Variants in RAF1 observed in about 807,000 individuals in gnomAD.
The protein encoded by RAF1 is Raf-1 proto-oncogene, serine/threonine kinase.
RAF1 carries 27 observed loss-of-function variants against 81.1 expected under a neutral mutation model. The observed-to-expected ratio is 0.33, with a 90% CI of 0.25 to 0.46. RAF1 has a LOEUF of 0.46. Ranked by LOEUF, RAF1 falls within the 20% of genes least tolerant of loss-of-function variation. The pLI is 1.00. For synonymous variants in RAF1, 298 were observed against 294.0 expected (o/e 1.01, Z -0.14); for missense variants, 598 against 826.0 (o/e 0.72, Z 3.38).
At chr3:12,604,073 A>T (rs2125396267) in intron 7 of RAF1, 63 bp downstream of exon 7, 2 of 1,590,916 alleles carry the variant, frequency 1.3e-6, no homozygotes, top group Non-Finnish European at 1.7e-6. Flanking sequence ...CAAAACTCTG[A>T]AATAAGTATC....
intron 13 of RAF1, 85 bp from the exon 13 acceptor site, chr3:12,587,722 C>G: frequency 8.8e-7 from 1 of 1,137,098 alleles, no homozygotes; most frequent in Non-Finnish European, 1.3e-6. Flanking sequence ...GAAGTAAAGC[C>G]ACTGAAGGCC....
At chr3:12,610,163 T>C (rs933286569) in intron 3 of RAF1, among the ~76,000 whole-genome samples, 1 of 152,196 alleles carries the variant, frequency 6.6e-6, no homozygotes, top group African/African-American at 2.4e-5. Flanking sequence ...TTATGTTTTA[T>C]CCAGTTAATC....
chr3:12,659,153 G>A (rs1232284894), intron 1 of RAF1, among the ~76,000 whole-genome samples: 8 of 151,980 alleles, frequency 5.3e-5, no homozygotes, highest in Non-Finnish European at 8.8e-5. Flanking sequence ...TACAAGGCAA[G>A]ATGCCTGAGC....
intron 1 of RAF1, among the ~76,000 whole-genome samples, chr3:12,662,839 T>C (rs748986264): frequency 2.6e-5 from 4 of 152,060 alleles, no homozygotes; most frequent in Non-Finnish European, 4.4e-5. Context: ...CCAATTCTTA[T>C]CACACTGCAT....
At chr3:12,587,379 A>C in intron 14 of RAF1, 2 of 613,752 alleles carry the variant, frequency 3.3e-6, no homozygotes, top group Non-Finnish European at 5.9e-6. Flanking sequence ...AACCTAACCT[A>C]AACATCGCTC....
chr3:12,608,741 C>T, intron 5 of RAF1, 25 bp downstream of exon 5: 1 of 1,611,016 alleles, frequency 6.2e-7, no homozygotes, highest in African/African-American at 1.3e-5. Context: ...CCCTATCTTC[C>T]TTGGATAAAA....
chr3:12,600,366 C>A (rs2058824563), intron 9 of RAF1, 22 bp downstream of exon 8: 2 of 1,614,092 alleles, frequency 1.2e-6, no homozygotes, highest in Non-Finnish European at 1.7e-6. Flanking sequence ...TTATTGTTGG[C>A]TAAATGACTA....
rs763572119 is a variant in RAF1 at position 12,600,292 on chromosome 3, GAC to G, written c.923-15_923-14del. On this transcript the variant is annotated splice_polypyrimidine_tract_variant and intron_variant, in intron 9 of 17. Transcript: ENST00000442415. ...GCTGAAGGTGAGGCTTAATAGACAAGACAAACAGAAGCCACACAAGGATAAGC... is the reference window on the plus strand; with the variant it reads ...GCTGAAGGTGAGGCTTAATAGACAAGAAACAGAAGCCACACAAGGATAAGC... 13 of 1,613,964 alleles carry G rather than the reference GAC, an allele frequency of 8.1e-6. No individual in the cohort carries two copies. In the African/African-American group the frequency reaches 1.7e-4, roughly 22 times the overall value.
At chr3:12,593,808 T>C (rs1222200108) in intron 11 of RAF1, among the ~76,000 whole-genome samples, 4 of 151,034 alleles carry the variant, frequency 2.6e-5, no homozygotes, top group Non-Finnish European at 4.4e-5. Context: ...TTTTTTTTCT[T>C]TTTTAGAGAT....
chr3:12,606,983 G>A (rs920074722), intron 5 of RAF1, among the ~76,000 whole-genome samples: 3 of 152,244 alleles, frequency 2.0e-5, no homozygotes, highest in East Asian at 1.9e-4. Context: ...GAGCCACCGC[G>A]CCCGGCCCAG....
chr3:12,604,574 C>A (rs1296636665), intron 6 of RAF1, among the ~76,000 whole-genome samples: 2 of 152,110 alleles, frequency 1.3e-5, no homozygotes, highest in African/African-American at 4.8e-5. Context: ...CCACTCTACT[C>A]CAAATTTTTA....
In RAF1 at chr3:12,606,232, T is replaced by C. The variant is rs2125406569; in HGVS notation, c.649A>G (p.Met217Val). 3 of 1,614,058 alleles carry C rather than the reference T, an allele frequency of 1.9e-6. No homozygotes were observed. In the South Asian group the frequency reaches 3.3e-5, roughly 18 times the overall value. ...GGCATCCTGGAAACAGACTCTCGCA[T>C]ACGACGCATAGTCAAAGAAGGTAGT... is the stretch of plus-strand genomic sequence containing the variant. Residue 217 changes from methionine to valine, a missense_variant, in exon 6 of 18, where the codon ATG becomes GTG. Physicochemically the swap from Met to Val is conservative, Grantham distance 21. Transcript: ENST00000442415.
chr3:12,648,310 A>C (rs1162520744), intron 1 of RAF1, among the ~76,000 whole-genome samples: 1 of 150,962 alleles, frequency 6.6e-6, no homozygotes, highest in Non-Finnish European at 1.5e-5. Flanking sequence ...AAAAAGCTAC[A>C]TAATGAAGTA....
At chr3:12,587,753 C>A in intron 13 of RAF1, 116 bp from the exon 13 acceptor site, 2 of 835,848 alleles carry the variant, frequency 2.4e-6, no homozygotes, top group Non-Finnish European at 4.1e-6. Context: ...GAGTGTTACA[C>A]ACAGGGATAG....
At chr3:12,620,346 A>G (rs561556533) in intron 1 of RAF1, among the ~76,000 whole-genome samples, 1 of 152,188 alleles carries the variant, frequency 6.6e-6, no homozygotes, top group South Asian at 2.1e-4. Context: ...GTTGGCCAGG[A>G]TGGTCTCAAT....
chr3:12,584,093 T>C lies in RAF1; in HGVS notation c.*421A>G. The C allele has an allele frequency of 3.2e-6, 1 of 316,456 alleles. No individual in the cohort carries two copies. The highest frequency in any genetic ancestry group is 6.0e-6 in the Non-Finnish European group (1 of 166,156). The allele number at this position is 316,456 out of a possible 1,614,324, so 19.6% of individuals were successfully genotyped here. Reference sequence around the variant, plus strand: ...ACCACTCTCTGAAGAAAGTCCCGCCTGTGACATGCATTCCTCCAGAAGCTG... The same window carrying C: ...ACCACTCTCTGAAGAAAGTCCCGCCCGTGACATGCATTCCTCCAGAAGCTG... On this transcript the variant is annotated 3_prime_UTR_variant, in exon 18 of 18. Transcript: ENST00000442415.
chr3:12,663,817 G>A lies in RAF1; in HGVS notation c.-31C>T, dbSNP rs1396477109. The A allele has an allele frequency of 5.0e-6, 2 of 397,302 alleles. No homozygotes were observed. The highest frequency in any genetic ancestry group is 4.4e-6 in the Non-Finnish European group (1 of 225,424). The allele number at this position is 397,302 out of a possible 1,614,324, so 24.6% of individuals were successfully genotyped here. On this transcript the variant is annotated 5_prime_UTR_variant, in exon 1 of 18. Coordinates refer to ENST00000442415, the MANE Select transcript of RAF1 (RefSeq NM_001354689.3). The stretch of plus-strand genomic sequence containing the variant: ...CGACCCGGTCCTGCCACCTACCTGA[G>A]GGAGCCAGGCCGCCCCAACGTCCTG...
At chr3:12,617,205 C>G (rs1268147293) in intron 2 of RAF1, among the ~76,000 whole-genome samples, 4 of 152,166 alleles carry the variant, frequency 2.6e-5, no homozygotes, top group Admixed American at 2.0e-4. Flanking sequence ...CTCTGCCTCC[C>G]GGGTTCGAGT....
chr3:12,630,224 G>A (rs1259509950), intron 1 of RAF1, among the ~76,000 whole-genome samples: 5 of 152,078 alleles, frequency 3.3e-5, no homozygotes, highest in Non-Finnish European at 2.9e-5. Context: ...ATAACTATCA[G>A]TTCAAAATCT....
Sources: gnomAD v4.1 joint callset for allele counts (sites outside exome capture counted in the v4.1 genomes callset) on GRCh38, gnomAD v4.1.1 for gene constraint, MANE v1.5 for transcripts, NCBI Gene and HGNC (gene_info 2026-07-23, HGNC 2026-07-21) for gene names.